Variants in TNFSF10 observed in about 807,000 individuals in gnomAD.
TNFSF10 encodes tumor necrosis factor ligand superfamily member 10.
A neutral mutation model predicts 29.5 loss-of-function variants in TNFSF10; 13 were observed. That is an observed-to-expected ratio of 0.44 (90% CI 0.29 to 0.70). TNFSF10 has a LOEUF of 0.70. TNFSF10 is among the 30% of genes least tolerant of loss of function. TNFSF10 has a pLI of 0.13. For synonymous variants in TNFSF10, 111 were observed against 112.8 expected (o/e 0.98, Z 0.10); for missense variants, 345 against 330.9 (o/e 1.04, Z -0.33).
chr3:172,518,358 A>T, intron 1 of TNFSF10: 1 of 1,282,266 alleles, frequency 7.8e-7, no homozygotes, highest in Non-Finnish European at 1.0e-6. Context: ...CCAGTCCTTG[A>T]TGGGGCTTGA....
chr3:172,505,764 G>A lies in TNFSF10; in HGVS notation c.*728C>T, dbSNP rs1359370539. The A allele has an allele frequency of 7.7e-6, 1 of 130,282 alleles. No homozygotes were observed. Among genetic ancestry groups the A allele is most frequent in the Non-Finnish European group, 1.6e-5 (1 of 64,362 alleles). 8.1% of individuals were successfully genotyped at this position (130,282 alleles called of 1,614,324 possible). A position where few individuals can be genotyped will look rare whatever the true frequency, so the allele number is the denominator to read the frequency against. ...TTTTTTTGAAACCAAGTCTCGCTCT[G>A]TCGCCAGGCTGGAGTGTAGTGGCAT... On this transcript the variant is annotated 3_prime_UTR_variant, in exon 5 of 5. Transcript: ENST00000241261.
intron 1 of TNFSF10, 31 bp downstream of exon 1, chr3:172,523,222 T>C (rs1246361587): frequency 1.3e-6 from 2 of 1,562,188 alleles, no homozygotes; most frequent in South Asian, 1.2e-5. Context: ...GCTAAGCGCC[T>C]CGAAGACTGA....
In TNFSF10 at chr3:172,514,853, TTACC is replaced by T. The variant is rs1319460593; in HGVS notation, c.270+4_270+7del. The stretch of plus-strand genomic sequence containing the variant: ...CTGCTGGTGAGGTCACCTGGTGAGG[TTACC>T]TACCTTTCTAACGAGCTGACGGAGT... On this transcript the variant is annotated splice_donor_5th_base_variant and intron_variant, in intron 2 of 4. Coordinates refer to ENST00000241261, the MANE Select transcript of TNFSF10 (RefSeq NM_003810.4). 8 of 1,613,946 alleles carry T rather than the reference TTACC, an allele frequency of 5.0e-6. No individual in the cohort carries two copies. Among genetic ancestry groups the T allele is most frequent in the African/African-American group, 1.3e-5 (1 of 74,912 alleles).
rs202247714 is a variant in TNFSF10 at position 172,506,856 on chromosome 3, T to A, written c.482A>T (p.His161Leu). The A allele has an allele frequency of 2.0e-5, 32 of 1,614,056 alleles. No individual in the cohort carries two copies. Among genetic ancestry groups the A allele is most frequent in the Middle Eastern group, 1.6e-4 (1 of 6,084 alleles). Residue 161 changes from histidine to leucine, a missense_variant, in exon 5 of 5, where the codon CAT (histidine) becomes CTT (leucine). Transcript: ENST00000241261. ...INSWESSRSGHSFLSNLHLRN... is the reference protein window; with the variant it reads ...INSWESSRSGLSFLSNLHLRN... ...CAAGTGCAAGTTGCTCAGGAATGAA[T>A]GCCCACTCCTTGATGATTCCCAGGA... is the stretch of plus-strand genomic sequence containing the variant.
chr3:172,515,774 C>CCA (rs922950808), intron 1 of TNFSF10, among the ~76,000 whole-genome samples: 1 of 151,790 alleles, frequency 6.6e-6, no homozygotes, highest in African/African-American at 2.4e-5. Flanking sequence ...ACACACACAC[C>CCA]CACACACACC....
Position 172,506,585 on chromosome 3 carries a change from CT to C in TNFSF10, c.752del (p.Lys251ArgfsTer10). On this transcript the variant is annotated frameshift_variant, in exon 5 of 5. Transcript: ENST00000241261. LOFTEE classifies it high-confidence loss of function. ...SIYQGGIFEL[K>X]ENDRIFVSVT... ...CAGAAACAAAAATTCTGTCATTTTC[CT>C]TAAGCTCAAATATTCCCCCTTGATA... The C allele has an allele frequency of 6.2e-7, 1 of 1,614,112 alleles. No homozygotes were observed.
At chr3:172,517,934 C>A (rs1027793489) in intron 1 of TNFSF10, 3 of 985,290 alleles carry the variant, frequency 3.0e-6, no homozygotes, top group Admixed American at 6.2e-5. Flanking sequence ...CAGTCACTCT[C>A]TCCACCCTCA....
intron 4 of TNFSF10, among the ~76,000 whole-genome samples, chr3:172,508,707 T>G (rs922735821): frequency 1.3e-5 from 2 of 152,038 alleles, no homozygotes; most frequent in Non-Finnish European, 1.5e-5. Context: ...CTGACCAACA[T>G]GGAGAAATCC....
At chr3:172,514,325 A>C (rs1443331513) in intron 2 of TNFSF10, among the ~76,000 whole-genome samples, 2 of 152,232 alleles carry the variant, frequency 1.3e-5, no homozygotes, top group Admixed American at 1.3e-4. Context: ...GCTGTAAATT[A>C]AGAAAAAACC....
intron 3 of TNFSF10, among the ~76,000 whole-genome samples, chr3:172,510,247 A>G (rs549950630): frequency 1.3e-4 from 20 of 152,310 alleles, no homozygotes; most frequent in Admixed American, 9.8e-4. Flanking sequence ...ACTTAGCCTG[A>G]GAGTTTGAGA....
intron 4 of TNFSF10, among the ~76,000 whole-genome samples, 194 bp from the exon 5 acceptor site, chr3:172,507,113 C>T (rs536318456): frequency 2.6e-5 from 4 of 152,282 alleles, no homozygotes; most frequent in African/African-American, 9.6e-5. Flanking sequence ...GAGGTTCCTG[C>T]ATCATTGTGA....
chr3:172,521,972 C>T (rs1713716095), intron 1 of TNFSF10, among the ~76,000 whole-genome samples: 1 of 152,112 alleles, frequency 6.6e-6, no homozygotes, highest in Non-Finnish European at 1.5e-5. Flanking sequence ...CATGTTCTCA[C>T]TCATAAGTGG....
intron 1 of TNFSF10, among the ~76,000 whole-genome samples, chr3:172,519,221 C>T (rs1430703398): frequency 1.3e-5 from 2 of 152,158 alleles, no homozygotes; most frequent in African/African-American, 4.8e-5. Flanking sequence ...TTCTGCATGC[C>T]TAATGTACAT....
At chr3:172,507,536 T>C (rs1013640609) in intron 4 of TNFSF10, 2 of 152,084 alleles carry the variant, frequency 1.3e-5, no homozygotes, top group African/African-American at 4.8e-5. Flanking sequence ...CACTCAAAGG[T>C]TTTGAATGAA....
At chr3:172,513,423 G>A (rs1685214921) in intron 2 of TNFSF10, among the ~76,000 whole-genome samples, 1 of 152,244 alleles carries the variant, frequency 6.6e-6, no homozygotes, top group African/African-American at 2.4e-5. Context: ...GTCATTTGCA[G>A]TGGTGGAATC....
Position 172,511,677 on chromosome 3 carries a change from T to A in TNFSF10, c.271-18A>T. 6.2e-7 allele frequency: 1 copy of A among 1,607,648 alleles called. No individual in the cohort carries two copies. Among genetic ancestry groups the A allele is most frequent in the Non-Finnish European group, 8.5e-7 (1 of 1,176,154 alleles). ...AAAATCATCTGCAAATATTATTGAA[T>A]AAAGCTTGTTAATTTCCCTAAAAAT... On this transcript the variant is annotated intron_variant, in intron 2 of 4. Coordinates refer to ENST00000241261, the MANE Select transcript of TNFSF10 (RefSeq NM_003810.4).
Position 172,506,338 on chromosome 3 carries a change from G to A in TNFSF10, c.*154C>T, listed in dbSNP as rs1033821034. The A allele has an allele frequency of 1.1e-6, 1 of 885,376 alleles. No homozygotes were observed. The highest frequency in any genetic ancestry group is 1.7e-6 in the Non-Finnish European group (1 of 603,948). The allele number at this position is 885,376 out of a possible 1,614,324, so 54.8% of individuals were successfully genotyped here. On this transcript the variant is annotated 3_prime_UTR_variant, in exon 5 of 5. Coordinates refer to ENST00000241261, the MANE Select transcript of TNFSF10 (RefSeq NM_003810.4). ...ACAGTGTGTGTTGTAGAATTTTTTG[G>A]TTGTGGCTGCTCTACTCAGATTGCA...
chr3:172,510,287 C>G (rs1175234485), intron 3 of TNFSF10, among the ~76,000 whole-genome samples: 2 of 152,080 alleles, frequency 1.3e-5, no homozygotes, highest in African/African-American at 4.8e-5. Context: ...GAAACCTTGT[C>G]TCTATAAAAA....
At chr3:172,515,047 T>A (rs1713375859) in intron 1 of TNFSF10, 49 bp from the exon 2 acceptor site, 1 of 1,610,254 alleles carries the variant, frequency 6.2e-7, no homozygotes, top group African/African-American at 1.3e-5. Context: ...GTGCTTTTTA[T>A]TTTTGTTCAT....
Sources: gnomAD v4.1 joint callset for allele counts (sites outside exome capture counted in the v4.1 genomes callset) on GRCh38, gnomAD v4.1.1 for gene constraint, MANE v1.5 for transcripts, NCBI Gene and HGNC (gene_info 2026-07-23, HGNC 2026-07-21) for gene names.